Variants in DCC observed in about 807,000 individuals in gnomAD.
DCC encodes the protein netrin receptor DCC.
Under a neutral mutation model 172.5 loss-of-function variants are expected in DCC, and 58 were observed. The ratio of observed to expected loss-of-function variants is 0.34; its 90% CI spans 0.27 to 0.42. The LOEUF (loss-of-function observed/expected upper bound fraction) is 0.42. Ranked by LOEUF, DCC falls within the 10% of genes least tolerant of loss-of-function variation. The pLI, the probability that DCC is intolerant of heterozygous loss-of-function variation, is 1.00. For synonymous variants in DCC, 709 were observed against 644.5 expected, an observed-to-expected ratio of 1.10 and a Z score of -1.52; for missense variants, 1,740 against 1,791.0, an observed-to-expected ratio of 0.97 and a Z score of 0.51.
chr18:53,507,328 C>T (rs1289796874), intron 27 of DCC, among the ~76,000 whole-genome samples: 1 of 152,088 alleles, frequency 6.6e-6, no homozygotes, highest in Non-Finnish European at 1.5e-5. Flanking sequence ...TGAAAGCAAA[C>T]AAAAAGTCTC....
In DCC at chr18:52,561,286, G is replaced by A. The variant is rs201042032; in HGVS notation, c.92-190768G>A. ...AGAGTTTTTATGATTTTATGTGTGT[G>A]TATGTGTGTATGTGTATATAGGCAG... On this transcript the variant is annotated intron_variant, in intron 1 of 28. Transcript: ENST00000442544. Among the ~76,000 whole-genome samples, 8 of 6,776 alleles carry A rather than the reference G, an allele frequency of 1.2e-3. No individual in the cohort carries two copies. The Non-Finnish European group carries it at 0.016, about 14-fold the overall frequency. The allele number at this position is 6,776 out of a possible 152,430, so 4.4% of individuals were successfully genotyped here. A position where few individuals can be genotyped will look rare whatever the true frequency, so the allele number is the denominator to read the frequency against.
At chr18:53,163,091 T>G (rs2054867179) in intron 8 of DCC, among the ~76,000 whole-genome samples, 1 of 152,246 alleles carries the variant, frequency 6.6e-6, no homozygotes, top group Non-Finnish European at 1.5e-5. Flanking sequence ...TGGCCACCTT[T>G]TATCAAGTTT....
At chr18:52,801,966 G>A (rs2037996948) in intron 2 of DCC, among the ~76,000 whole-genome samples, 1 of 151,498 alleles carries the variant, frequency 6.6e-6, no homozygotes, top group Admixed American at 6.6e-5. Context: ...CACCTCAAGG[G>A]TTTTAAGCCA....
chr18:52,504,130 A>G (rs2031133689), intron 1 of DCC, among the ~76,000 whole-genome samples: 1 of 152,002 alleles, frequency 6.6e-6, no homozygotes, highest in Non-Finnish European at 1.5e-5. Flanking sequence ...CCGTTCAAAG[A>G]GGATGCGTTG....
At chr18:53,164,429 T>C (rs1339128977) in intron 8 of DCC, among the ~76,000 whole-genome samples, 1 of 152,124 alleles carries the variant, frequency 6.6e-6, no homozygotes, top group Non-Finnish European at 1.5e-5. Context: ...GTATTTTATA[T>C]ATATAAAAAG....
intron 1 of DCC, among the ~76,000 whole-genome samples, chr18:52,363,594 G>A (rs897965869): frequency 6.6e-6 from 1 of 152,202 alleles, no homozygotes; most frequent in Non-Finnish European, 1.5e-5. Context: ...GAGAGCAGGG[G>A]ATGTTATAGC....
At chr18:53,023,401 C>CAAAAAAAAAAAAAAAAA (rs869070422) in intron 5 of DCC, among the ~76,000 whole-genome samples, 6 of 24,424 alleles carry the variant, frequency 2.5e-4, no homozygotes, top group African/African-American at 5.8e-4. Context: ...TAACTCAGAC[C>CAAAAAAAAAAAAAAAAA]AAAAAAAAAA....
chr18:53,176,828 G>A (rs1449439311), intron 8 of DCC, among the ~76,000 whole-genome samples: 3 of 151,372 alleles, frequency 2.0e-5, no homozygotes, highest in Non-Finnish European at 4.4e-5. Context: ...CCCATTACTG[G>A]GTATATACCC....
intron 5 of DCC, among the ~76,000 whole-genome samples, chr18:52,987,239 G>A (rs2041310849): frequency 6.6e-6 from 1 of 152,106 alleles, no homozygotes; most frequent in Non-Finnish European, 1.5e-5. Context: ...CACCAGACAA[G>A]GAGCTCTGTG....
intron 1 of DCC, among the ~76,000 whole-genome samples, chr18:52,426,936 A>G (rs1400596477): frequency 1.3e-5 from 2 of 152,150 alleles, no homozygotes; most frequent in African/African-American, 2.4e-5. Flanking sequence ...AATTCTTGGT[A>G]TACTTTATCT....
chr18:53,230,941 A>G (rs1179376833), intron 12 of DCC, among the ~76,000 whole-genome samples: 2 of 151,994 alleles, frequency 1.3e-5, no homozygotes, highest in Non-Finnish European at 2.9e-5. Context: ...TCCTTGGGGT[A>G]TTATGCAGAT....
chr18:53,405,443 A>G (rs1909600415), intron 19 of DCC, among the ~76,000 whole-genome samples: 1 of 152,212 alleles, frequency 6.6e-6, no homozygotes, highest in Non-Finnish European at 1.5e-5. Context: ...GAACCGCACT[A>G]GAATAATTGT....
chr18:53,068,198 C>T (rs8082863), intron 7 of DCC, among the ~76,000 whole-genome samples: 6 of 151,902 alleles, frequency 3.9e-5, no homozygotes, highest in Non-Finnish European at 7.4e-5. Context: ...ACTAGTAATG[C>T]ATAAGTAGGA....
intron 1 of DCC, among the ~76,000 whole-genome samples, chr18:52,728,173 G>GTCTCTCTC (rs5824956): frequency 2.7e-5 from 4 of 149,044 alleles, no homozygotes; most frequent in Non-Finnish European, 6.0e-5. Flanking sequence ...TGTGGGCCCC[G>GTCTCTCTC]TCTCTCTCTC....
chr18:53,157,295 C>T lies in DCC; in HGVS notation c.1262-61C>T. On this transcript the variant is annotated intron_variant, in intron 7 of 28. Coordinates refer to ENST00000442544, the MANE Select transcript of DCC (RefSeq NM_005215.4). ...CTTGCTAATAGGTTGGCTCTGCCTT[C>T]CTACCCAATTCTTACCTATGGCAGC... is the stretch of plus-strand genomic sequence containing the variant. 5 of 1,610,292 alleles carry T rather than the reference C, an allele frequency of 3.1e-6. No individual in the cohort carries two copies. The South Asian group carries it at 5.5e-5, about 18-fold the overall frequency.
intron 25 of DCC, among the ~76,000 whole-genome samples, chr18:53,468,366 T>A (rs867922509): frequency 0.036 from 4,573 of 126,940 alleles, 290 homozygotes; most frequent in African/African-American, 0.14. Context: ...TTATTTATTT[T>A]ATTTATTTAT....
At chr18:53,057,111 T>G (rs1344386374) in intron 5 of DCC, among the ~76,000 whole-genome samples, 1 of 148,540 alleles carries the variant, frequency 6.7e-6, no homozygotes, top group Non-Finnish European at 1.5e-5. Flanking sequence ...AAAGCAAGTC[T>G]TCACCTATAT....
At chr18:52,768,273 AC>A (rs1568090819) in intron 2 of DCC, among the ~76,000 whole-genome samples, 1 of 152,226 alleles carries the variant, frequency 6.6e-6, no homozygotes, top group Non-Finnish European at 1.5e-5. Context: ...TTTAAAAATT[AC>A]GAGTTTATCC....
intron 12 of DCC, among the ~76,000 whole-genome samples, chr18:53,284,849 G>T (rs1171723243): frequency 6.6e-6 from 1 of 152,212 alleles, no homozygotes; most frequent in Non-Finnish European, 1.5e-5. Context: ...GGTGGTCTCA[G>T]ATGGAGATTA....
Sources: gnomAD v4.1 joint callset for allele counts (sites outside exome capture counted in the v4.1 genomes callset) on GRCh38, gnomAD v4.1.1 for gene constraint, MANE v1.5 for transcripts, NCBI Gene and HGNC (gene_info 2026-07-23, HGNC 2026-07-21) for gene names.